STXBP5L: variants seen among roughly 807,000 people sequenced by gnomAD.
STXBP5L encodes the protein syntaxin binding protein 5L.
Under a neutral mutation model 144.5 loss-of-function variants are expected in STXBP5L, and 65 were observed. The ratio of observed to expected loss-of-function variants is 0.45; its 90% CI spans 0.37 to 0.55. The LOEUF is 0.55. Among genes scored for constraint, STXBP5L ranks in the 20% least tolerant of loss-of-function variants. The probability of loss-of-function intolerance (pLI) is 0.00; values close to 1 mark genes in which losing one functional copy is unlikely to be tolerated. For synonymous variants in STXBP5L, 505 were observed against 469.6 expected, an observed-to-expected ratio of 1.08 and a Z score of -0.97; for missense variants, 1,298 against 1,405.5, an observed-to-expected ratio of 0.92 and a Z score of 1.22.
intron 3 of STXBP5L, among the ~76,000 whole-genome samples, chr3:121,010,239 AT>A (rs1157457799): frequency 6.6e-6 from 1 of 151,742 alleles, no homozygotes; most frequent in African/African-American, 2.4e-5. Context: ...ATGACTATAT[AT>A]ATCTTTGGGG....
At chr3:121,067,417 G>A (rs1034752100) in intron 5 of STXBP5L, among the ~76,000 whole-genome samples, 5 of 152,056 alleles carry the variant, frequency 3.3e-5, no homozygotes, top group African/African-American at 1.2e-4. Context: ...AAGTTAATTA[G>A]TTTTCAAGAA....
At chr3:121,239,782 G>A (rs1209436132) in intron 13 of STXBP5L, among the ~76,000 whole-genome samples, 12 of 151,176 alleles carry the variant, frequency 7.9e-5, no homozygotes, top group South Asian at 6.3e-4. Flanking sequence ...TGGGTGCAGC[G>A]CACCAGCATG....
chr3:121,146,606 TAAACTTA>T (rs1159342535), intron 7 of STXBP5L, among the ~76,000 whole-genome samples: 2 of 150,420 alleles, frequency 1.3e-5, no homozygotes, highest in Non-Finnish European at 3.0e-5. Flanking sequence ...AGATACATTT[TAAACTTA>T]CAGATGTAGA....
At chr3:121,342,880 T>C (rs1268803632) in intron 20 of STXBP5L, among the ~76,000 whole-genome samples, 1 of 149,658 alleles carries the variant, frequency 6.7e-6, no homozygotes, top group Non-Finnish European at 1.5e-5. Flanking sequence ...GATTGCTGGG[T>C]CAAATGGTAT....
intron 5 of STXBP5L, among the ~76,000 whole-genome samples, chr3:121,071,543 G>T (rs551408815): frequency 6.6e-6 from 1 of 152,316 alleles, no homozygotes; most frequent in Admixed American, 6.5e-5. Flanking sequence ...GGCAGCTGCT[G>T]CTGGTTTCAG....
intron 3 of STXBP5L, among the ~76,000 whole-genome samples, chr3:120,959,572 G>T (rs12495187): frequency 0.099 from 15,111 of 152,120 alleles, 1,184 homozygotes; most frequent in Admixed American, 0.2. Flanking sequence ...CAATGGAACA[G>T]AACAGAGGCC....
Position 120,935,457 on chromosome 3 carries a change from T to G in STXBP5L, c.190-19483T>G, listed in dbSNP as rs116509105. ...TTTTTACCCTTATTTATTATTTCCC[T>G]AACAGTCTTTCTTTCTTTGTATAGA... On this transcript the variant is annotated intron_variant, in intron 2 of 26. Transcript: ENST00000471454. Among the ~76,000 whole-genome samples the G allele has an allele frequency of 1.5e-3, 224 of 152,134 alleles. 1 individual carries two copies. Among genetic ancestry groups the G allele is most frequent in the Middle Eastern group, 6.8e-3 (2 of 294 alleles).
chr3:121,043,894 C>A lies in STXBP5L; in HGVS notation c.370-1541C>A, dbSNP rs149405374. Among the ~76,000 whole-genome samples, 463 of 152,238 alleles carry A rather than the reference C, an allele frequency of 3.0e-3. 3 individuals carry two copies. Among genetic ancestry groups the A allele is most frequent in the African/African-American group, 0.01 (432 of 41,562 alleles). ...ATTGTTGTTACATATCATGTTCTAT[C>A]CTCACCCCATCTCAGGTGAACTTCC... is the stretch of plus-strand genomic sequence containing the variant. On this transcript the variant is annotated intron_variant, in intron 4 of 26. Transcript: ENST00000471454.
At chr3:121,371,316 A>G (rs2046021749) in intron 20 of STXBP5L, among the ~76,000 whole-genome samples, 1 of 152,120 alleles carries the variant, frequency 6.6e-6, no homozygotes, top group South Asian at 2.1e-4. Flanking sequence ...TGCAAGCTTT[A>G]ACTCTTGAGG....
intron 3 of STXBP5L, among the ~76,000 whole-genome samples, chr3:121,022,217 G>C (rs1483495616): frequency 6.6e-6 from 1 of 151,984 alleles, no homozygotes; most frequent in Admixed American, 6.6e-5. Flanking sequence ...GATTAAACCA[G>C]GAAGAAATAG....
intron 24 of STXBP5L, 76 bp downstream of exon 24, chr3:121,413,399 ATAT>A (rs1282985235): frequency 1.4e-5 from 18 of 1,316,278 alleles, no homozygotes; most frequent in African/African-American, 7.5e-5. Flanking sequence ...AAAAACAAAA[ATAT>A]TATTAGGTCA....
At chr3:121,105,279 C>A (rs1386587833) in intron 5 of STXBP5L, among the ~76,000 whole-genome samples, 1 of 151,974 alleles carries the variant, frequency 6.6e-6, no homozygotes, top group Non-Finnish European at 1.5e-5. Context: ...TCCTGTAGTT[C>A]CAGCTACTTG....
chr3:121,359,144 C>A (rs764308320), intron 20 of STXBP5L, among the ~76,000 whole-genome samples: 32 of 152,084 alleles, frequency 2.1e-4, no homozygotes, highest in Admixed American at 4.6e-4. Context: ...TGGATATAAG[C>A]CATTTTAACT....
chr3:121,250,010 T>C (rs1396466533), intron 14 of STXBP5L, among the ~76,000 whole-genome samples: 1 of 152,070 alleles, frequency 6.6e-6, no homozygotes, highest in African/African-American at 2.4e-5. Context: ...GTTGATTTTT[T>C]AAGTGTTTGC....
intron 18 of STXBP5L, among the ~76,000 whole-genome samples, chr3:121,266,106 G>T (rs1041033337): frequency 6.6e-6 from 1 of 152,084 alleles, no homozygotes; most frequent in African/African-American, 2.4e-5. Context: ...GAAAAAGAGG[G>T]ATTCCTCCTT....
chr3:121,126,064 T>C (rs2044690957), intron 7 of STXBP5L, among the ~76,000 whole-genome samples: 1 of 152,154 alleles, frequency 6.6e-6, no homozygotes, highest in Non-Finnish European at 1.5e-5. Flanking sequence ...GAATCATCTT[T>C]CTTTTATTAT....
At chr3:121,358,151 A>G (rs1291379518) in intron 20 of STXBP5L, among the ~76,000 whole-genome samples, 1 of 152,144 alleles carries the variant, frequency 6.6e-6, no homozygotes, top group African/African-American at 2.4e-5. Context: ...GTTTTAAAAG[A>G]TACAATTATT....
chr3:121,199,430 G>A, intron 9 of STXBP5L, among the ~76,000 whole-genome samples: 1 of 152,154 alleles, frequency 6.6e-6, no homozygotes, highest in Non-Finnish European at 1.5e-5. Context: ...TCTGCAAACA[G>A]AGACAATATG....
At chr3:121,348,400 A>G (rs968576564) in intron 20 of STXBP5L, among the ~76,000 whole-genome samples, 2 of 152,026 alleles carry the variant, frequency 1.3e-5, no homozygotes, top group Admixed American at 6.6e-5. Flanking sequence ...TTCATCAGGG[A>G]TATTGGTCTA....
Sources: gnomAD v4.1 joint callset for allele counts (sites outside exome capture counted in the v4.1 genomes callset) on GRCh38, gnomAD v4.1.1 for gene constraint, MANE v1.5 for transcripts, NCBI Gene and HGNC (gene_info 2026-07-23, HGNC 2026-07-21) for gene names.